Variants in RPS6KA1 observed in about 807,000 individuals in gnomAD.
RPS6KA1 encodes the protein ribosomal protein S6 kinase A1.
In RPS6KA1, 48 loss-of-function variants were observed where a neutral mutation model predicts 91.3. The observed-to-expected ratio is 0.53, with a 90% confidence interval of 0.42 to 0.67. The LOEUF (loss-of-function observed/expected upper bound fraction) is 0.67, where lower values mean the gene tolerates loss of function less well. Among genes scored for constraint, RPS6KA1 ranks in the 30% least tolerant of loss-of-function variants. The pLI is 0.00. For synonymous variants in RPS6KA1, 359 were observed against 384.7 expected, an observed-to-expected ratio of 0.93 and a Z score of 0.78; for missense variants, 719 against 960.5, an observed-to-expected ratio of 0.75 and a Z score of 3.32.
Position 26,555,796 on chromosome 1 carries a change from G to A in RPS6KA1, c.916+171G>A, listed in dbSNP as rs2076096300. Among the ~76,000 whole-genome samples, 2 of 152,156 alleles carry A rather than the reference G, an allele frequency of 1.3e-5. No individual in the cohort carries two copies. Among genetic ancestry groups the A allele is most frequent in the South Asian group, 4.1e-4 (2 of 4,826 alleles). Reference sequence around the variant, plus strand: ...CTCCATGTGTGGTGTTGTGGAGGGGGGAGTTGACCTGTGTGTAGGGGGAAG... The same window carrying A: ...CTCCATGTGTGGTGTTGTGGAGGGGAGAGTTGACCTGTGTGTAGGGGGAAG... On this transcript the variant is annotated intron_variant, in intron 11 of 21. Coordinates refer to ENST00000374168, the MANE Select transcript of RPS6KA1 (RefSeq NM_002953.4). The surrounding 1 kb of genome is among the most constrained non-coding windows in gnomAD (Gnocchi z 4.3).
At chr1:26,539,290 G>A (rs986804099) in intron 2 of RPS6KA1, among the ~76,000 whole-genome samples, 5 of 152,220 alleles carry the variant, frequency 3.3e-5, no homozygotes, top group East Asian at 1.9e-4. Flanking sequence ...GTGCATGGCC[G>A]AGGAAGAAGA....
chr1:26,553,624 T>C, intron 7 of RPS6KA1, 127 bp downstream of exon 7: 2 of 534,504 alleles, frequency 3.7e-6, no homozygotes. Context: ...ATCTGAGGGA[T>C]GGGTGAGTGG....
At chr1:26,566,810 A>G (rs2076206413) in intron 17 of RPS6KA1, among the ~76,000 whole-genome samples, 3 of 152,092 alleles carry the variant, frequency 2.0e-5, no homozygotes, top group Non-Finnish European at 4.4e-5. Flanking sequence ...TGTTTCTATA[A>G]GGTTATGGAC....
Position 26,571,509 on chromosome 1 carries a change from G to A in RPS6KA1, c.1651G>A (p.Glu551Lys), listed in dbSNP as rs1389215887. 6 of 1,614,046 alleles carry A rather than the reference G, an allele frequency of 3.7e-6. No individual in the cohort carries two copies. Among genetic ancestry groups the A allele is most frequent in the South Asian group, 3.3e-5 (3 of 91,084 alleles). The change falls in exon 18 of 22, where the codon GAG becomes AAG. Residue 551 changes from glutamate (E) to lysine (K), a missense_variant. Glu to Lys is a moderately conservative substitution (Grantham distance 56, BLOSUM62 1). This residue lies in a region of RPS6KA1 where 249 missense variants were observed against 323.1 expected (regional missense o/e 0.77). Transcript: ENST00000374168. The surrounding 1 kb of genome is among the most constrained non-coding windows in gnomAD (Gnocchi z 5.1). ...ILYVDESGNP[E>K]CLRICDFGFA... ...GTATGTGGACGAGTCCGGGAATCCC[G>A]AGTGCCTGCGCATCTGTGACTTTGG...
At position 26,571,176 on chromosome 1, in the gene RPS6KA1, C is replaced by A; in HGVS notation, c.1591-273C>A. 2.5e-6 allele frequency: 1 copy of A among 393,640 alleles called. No homozygotes were observed. Among genetic ancestry groups the A allele is most frequent in the Non-Finnish European group, 4.6e-6 (1 of 218,558 alleles). 24.4% of individuals were successfully genotyped at this position (393,640 alleles called of 1,614,324 possible). ...TAAGTAACAGGAAGGATGGAGTTGC[C>A]ACAAGGTAAGATTATGTGATGAGTA... On this transcript the variant is annotated intron_variant, in intron 17 of 21. Transcript: ENST00000374168. The surrounding 1 kb of genome is among the most constrained non-coding windows in gnomAD (Gnocchi z 5.1).
rs1450683191 is a variant in RPS6KA1 at position 26,561,532 on chromosome 1, C to A, written c.1459C>A (p.Leu487Met). The A allele has an allele frequency of 1.1e-5, 17 of 1,613,972 alleles. No individual in the cohort carries two copies. Among genetic ancestry groups the A allele is most frequent in the Admixed American group, 1.7e-5 (1 of 59,990 alleles). Residue 487 changes from leucine to methionine, a missense_variant, in exon 17 of 22, where the codon CTG becomes ATG. Coordinates refer to ENST00000374168, the MANE Select transcript of RPS6KA1 (RefSeq NM_002953.4). This position sits in a 1 kb window ranked among gnomAD's most constrained non-coding sequence, Gnocchi z 5.7. ...GTATGATGATGGCAAACACGTGTAC[C>A]TGGTGACAGAGCTGATGCGGGGTGG... ...DVYDDGKHVY[L>M]VTELMRGGEL...
chr1:26,569,845 C>T (rs1557516122), intron 17 of RPS6KA1, among the ~76,000 whole-genome samples: 1 of 152,200 alleles, frequency 6.6e-6, no homozygotes, highest in African/African-American at 2.4e-5. Context: ...GTGGCCTGAG[C>T]TCAGGGCACC....
At position 26,555,053 on chromosome 1, in the gene RPS6KA1, A is replaced by G; in HGVS notation, c.757-98A>G. ...CCAGGCTGACTTGGATGTATCAGCAAGAATCCTGGGACTGGGGCAGAGGGG... is the reference window on the plus strand; with the variant it reads ...CCAGGCTGACTTGGATGTATCAGCAGGAATCCTGGGACTGGGGCAGAGGGG... On this transcript the variant is annotated intron_variant, in intron 9 of 21. Coordinates refer to ENST00000374168, the MANE Select transcript of RPS6KA1 (RefSeq NM_002953.4). This position sits in a 1 kb window ranked among gnomAD's most constrained non-coding sequence, Gnocchi z 4.3. 8.0e-7 allele frequency: 1 copy of G among 1,247,666 alleles called. No homozygotes were observed. The allele number at this position is 1,247,666 out of a possible 1,614,324, so 77.3% of individuals were successfully genotyped here.
In RPS6KA1 at chr1:26,561,727, G is replaced by T; in HGVS notation, c.1590+64G>T. The T allele has an allele frequency of 6.7e-7, 1 of 1,488,612 alleles. No individual in the cohort carries two copies. Among genetic ancestry groups the T allele is most frequent in the South Asian group, 1.3e-5 (1 of 76,348 alleles). 92.2% of individuals were successfully genotyped at this position (1,488,612 alleles called of 1,614,324 possible). A position where few individuals can be genotyped will look rare whatever the true frequency, so the allele number is the denominator to read the frequency against. ...GGGTCATATCATCAGCAGAGAACAT[G>T]AACCACCTGCTGGCCCAGGAATGGC... On this transcript the variant is annotated intron_variant, in intron 17 of 21. Coordinates refer to ENST00000374168, the MANE Select transcript of RPS6KA1 (RefSeq NM_002953.4). The surrounding 1 kb of genome is among the most constrained non-coding windows in gnomAD (Gnocchi z 5.7).
At position 26,553,512 on chromosome 1, in the gene RPS6KA1, C is replaced by G. The variant is rs1316817701; in HGVS notation, c.575+15C>G. Reference sequence around the variant, plus strand: ...AAGCCTGAGAAGTGAGTGAAGCCTCCAGCCCCACCCCAGCCTCCCCAGGGG... The same window carrying G: ...AAGCCTGAGAAGTGAGTGAAGCCTCGAGCCCCACCCCAGCCTCCCCAGGGG... On this transcript the variant is annotated intron_variant, in intron 7 of 21. Transcript: ENST00000374168. The G allele has an allele frequency of 6.4e-7, 1 of 1,560,020 alleles. No individual in the cohort carries two copies. The highest frequency in any genetic ancestry group is 2.3e-5 in the East Asian group (1 of 44,130).
intron 2 of RPS6KA1, among the ~76,000 whole-genome samples, chr1:26,542,161 C>A (rs575603415): frequency 6.6e-6 from 1 of 152,344 alleles, no homozygotes; most frequent in South Asian, 2.1e-4. Flanking sequence ...TGGAGAGTCT[C>A]CTCCCACAAA....
Sources: gnomAD v4.1 joint callset for allele counts (sites outside exome capture counted in the v4.1 genomes callset) on GRCh38, gnomAD v4.1.1 for gene constraint, gnomAD v4.1.1 regional missense constraint, Gnocchi (gnomAD v3.1) non-coding constraint, MANE v1.5 for transcripts, NCBI Gene and HGNC (gene_info 2026-07-23, HGNC 2026-07-21) for gene names.